Variants in FAM135A observed in about 807,000 individuals in gnomAD.
FAM135A encodes protein FAM135A.
Under a neutral mutation model 146.8 loss-of-function variants are expected in FAM135A, and 79 were observed. The ratio of observed to expected loss-of-function variants is 0.54; its 90% confidence interval spans 0.45 to 0.65. The LOEUF is 0.65. Ranked by LOEUF, FAM135A falls within the 30% of genes least tolerant of loss-of-function variation. The pLI is 0.00. For synonymous variants in FAM135A, 562 were observed against 603.6 expected, an observed-to-expected ratio of 0.93 and a Z score of 1.01; for missense variants, 1,623 against 1,758.2, an observed-to-expected ratio of 0.92 and a Z score of 1.38.
At chr6:70,434,644 G>T (rs1772531384) in intron 4 of FAM135A, among the ~76,000 whole-genome samples, 1 of 152,168 alleles carries the variant, frequency 6.6e-6, no homozygotes, top group Non-Finnish European at 1.5e-5. Context: ...TATTAGCAAT[G>T]GCATCTTGAG....
At chr6:70,487,783 C>T (rs1287803203) in intron 10 of FAM135A, among the ~76,000 whole-genome samples, 1 of 152,008 alleles carries the variant, frequency 6.6e-6, no homozygotes, top group East Asian at 1.9e-4. Flanking sequence ...ATTTTATTGC[C>T]AGCCTATCAG....
At chr6:70,505,515 C>G (rs538289879) in intron 12 of FAM135A, among the ~76,000 whole-genome samples, 1 of 151,908 alleles carries the variant, frequency 6.6e-6, no homozygotes, top group Admixed American at 6.6e-5. Context: ...TAAGATGACA[C>G]AGTATTGGGG....
intron 5 of FAM135A, among the ~76,000 whole-genome samples, chr6:70,459,974 T>A (rs1175116865): frequency 2.0e-5 from 3 of 152,174 alleles, no homozygotes; most frequent in Non-Finnish European, 4.4e-5. Flanking sequence ...GAGGTTGCAG[T>A]GAGCCAAGAT....
intron 12 of FAM135A, among the ~76,000 whole-genome samples, chr6:70,506,073 A>T (rs1789700957): frequency 6.6e-6 from 1 of 152,168 alleles, no homozygotes; most frequent in Non-Finnish European, 1.5e-5. Context: ...CGCAATTTTC[A>T]GGAACATCAT....
chr6:70,503,908 G>A (rs1438969779), intron 12 of FAM135A: 1 of 151,992 alleles, frequency 6.6e-6, no homozygotes, highest in East Asian at 1.9e-4. Context: ...ATAGATTCTT[G>A]GATTACTTCT....
intron 21 of FAM135A, chr6:70,557,359 C>A (rs1801043712): frequency 6.3e-6 from 1 of 159,726 alleles, no homozygotes; most frequent in Admixed American, 6.3e-5. Context: ...CCCAGAGATA[C>A]TAAGTGGCTT....
In FAM135A at chr6:70,525,659, G is replaced by A. The variant is rs753695175; in HGVS notation, c.2575G>A (p.Val859Ile). ...LSPDENSKKSVVPECHLNDSK... is the reference protein window; with the variant it reads ...LSPDENSKKSIVPECHLNDSK... ...ACCTGATGAAAATTCTAAGAAATCTGTTGTACCTGAATGCCATCTAAATGA... is the reference window on the plus strand; with the variant it reads ...ACCTGATGAAAATTCTAAGAAATCTATTGTACCTGAATGCCATCTAAATGA... The change falls in exon 15 of 22, where the codon GTT (valine) becomes ATT (isoleucine). Residue 859 changes from valine (V) to isoleucine (I), a missense_variant. Physicochemically the swap from Val to Ile is conservative, Grantham distance 29 (BLOSUM62 3). Around this residue, in one of 7 missense-constraint regions of FAM135A, gnomAD observed 1,061 missense variants for 1,113.8 expected, o/e 0.95. Transcript: ENST00000418814. 1.3e-5 allele frequency: 21 copies of A among 1,612,482 alleles called. No homozygotes were observed. Among genetic ancestry groups the A allele is most frequent in the Non-Finnish European group, 1.8e-5 (21 of 1,179,440 alleles).
At chr6:70,484,041 G>A (rs1004170423) in intron 10 of FAM135A, among the ~76,000 whole-genome samples, 5 of 152,184 alleles carry the variant, frequency 3.3e-5, no homozygotes, top group African/African-American at 7.2e-5. Context: ...GGGTGTAAAG[G>A]ATCTCTAGGA....
At chr6:70,444,180 A>G (rs1467460311) in intron 4 of FAM135A, among the ~76,000 whole-genome samples, 7 of 152,170 alleles carry the variant, frequency 4.6e-5, no homozygotes, top group Admixed American at 4.6e-4. Context: ...AAGCAGGCAC[A>G]TCACTTCAGA....
intron 5 of FAM135A, among the ~76,000 whole-genome samples, chr6:70,457,458 T>C (rs1437910519): frequency 1.3e-5 from 2 of 152,262 alleles, no homozygotes; most frequent in Admixed American, 6.5e-5. Context: ...CCTCATCTTA[T>C]ACAAGAAACG....
intron 4 of FAM135A, among the ~76,000 whole-genome samples, chr6:70,440,076 A>G (rs1349405904): frequency 1.3e-5 from 2 of 152,212 alleles, no homozygotes; most frequent in African/African-American, 2.4e-5. Context: ...GTTTGAATCA[A>G]TATTCACCCC....
At chr6:70,496,863 A>C (rs1041189971) in intron 11 of FAM135A, among the ~76,000 whole-genome samples, 5 of 151,074 alleles carry the variant, frequency 3.3e-5, no homozygotes, top group Non-Finnish European at 1.5e-5. Flanking sequence ...CCATTGGTCT[A>C]TGTATCTGTT....
rs754149301 is a variant in FAM135A, at chr6:70,525,606, ACT to A, written c.2527_2528del (p.Leu843ThrfsTer4). 6.2e-7 allele frequency: 1 copy of A among 1,613,372 alleles called. No individual in the cohort carries two copies. Among genetic ancestry groups the A allele is most frequent in the Non-Finnish European group, 8.5e-7 (1 of 1,179,614 alleles). On this transcript the variant is annotated frameshift_variant, in exon 15 of 22. Coordinates refer to ENST00000418814, the MANE Select transcript of FAM135A (RefSeq NM_001162529.3). LOFTEE classifies it high-confidence loss of function. ...ATACAGTCATCTTTGACATCCATAAACTCTCTACCCTCCGATGATGAACTGTC... is the reference window on the plus strand; with the variant it reads ...ATACAGTCATCTTTGACATCCATAAACTCTACCCTCCGATGATGAACTGTC...
At chr6:70,428,269 C>T (rs537462719) in intron 3 of FAM135A, 35 bp from the exon 4 acceptor site, 59 of 1,024,498 alleles carry the variant, frequency 5.8e-5, no homozygotes, top group East Asian at 3.4e-4. Flanking sequence ...ATTTTTGTTA[C>T]GCTTCTCATG....
intron 4 of FAM135A, among the ~76,000 whole-genome samples, chr6:70,445,363 CTT>C (rs879517155): frequency 0.26 from 39,720 of 150,586 alleles, 6,479 homozygotes; most frequent in African/African-American, 0.48. Flanking sequence ...TTTCTGCCGT[CTT>C]GGTCAGGGAA....
At position 70,475,495 on chromosome 6, in the gene FAM135A, T is replaced by G. The variant is rs746332870; in HGVS notation, c.243T>G (p.Val81=). 1 of 1,606,502 alleles carries G rather than the reference T, an allele frequency of 6.2e-7. No homozygotes were observed. Among genetic ancestry groups the G allele is most frequent in the Admixed American group, 1.7e-5 (1 of 59,020 alleles). Residue 81 remains valine (V), a synonymous_variant, in exon 6 of 22, where the codon GTT becomes GTG. Coordinates refer to ENST00000418814, the MANE Select transcript of FAM135A (RefSeq NM_001162529.3). ...TFQILYKNEE[V]VLNDVMIFKV... ...AAATTTTGTACAAAAATGAAGAGGTTGTTTTAAATGATGTTATGATCTTCA... is the reference window on the plus strand; with the variant it reads ...AAATTTTGTACAAAAATGAAGAGGTGGTTTTAAATGATGTTATGATCTTCA...
In FAM135A at chr6:70,525,084, T is replaced by C; in HGVS notation, c.2000T>C (p.Phe667Ser). The change falls in exon 15 of 22, where the codon TTC becomes TCC. Residue 667 changes from phenylalanine to serine, a missense_variant. Phe to Ser is a radical substitution (Grantham distance 155). Transcript: ENST00000418814. ...ATAAAGCCCAGTAATAAAGATCCTTTCAGTGGAGAGAATATAACTGTCAAA... is the reference window on the plus strand; with the variant it reads ...ATAAAGCCCAGTAATAAAGATCCTTCCAGTGGAGAGAATATAACTGTCAAA... Reference protein sequence around the residue: ...IEIKPSNKDPFSGENITVKLG... With the variant: ...IEIKPSNKDPSSGENITVKLG... 1 of 1,574,484 alleles carries C rather than the reference T, an allele frequency of 6.4e-7. No homozygotes were observed. The highest frequency in any genetic ancestry group is 8.6e-7 in the Non-Finnish European group (1 of 1,166,152).
intron 5 of FAM135A, among the ~76,000 whole-genome samples, chr6:70,468,912 G>A (rs1439086987): frequency 2.6e-5 from 4 of 152,080 alleles, no homozygotes; most frequent in Admixed American, 6.6e-5. Flanking sequence ...GTGAAGGAGG[G>A]GACAGCGACC....
intron 5 of FAM135A, among the ~76,000 whole-genome samples, chr6:70,459,494 AATTG>A (rs1188451300): frequency 1.3e-5 from 2 of 152,148 alleles, no homozygotes; most frequent in Non-Finnish European, 2.9e-5. Flanking sequence ...AACTGTTGAA[AATTG>A]ATTGGTAAGA....
Sources: gnomAD v4.1 joint callset for allele counts (sites outside exome capture counted in the v4.1 genomes callset) on GRCh38, gnomAD v4.1.1 for gene constraint, gnomAD v4.1.1 regional missense constraint, MANE v1.5 for transcripts, NCBI Gene and HGNC (gene_info 2026-07-23, HGNC 2026-07-21) for gene names.